Variants in PASD1 observed in about 807,000 individuals in gnomAD.
The protein encoded by PASD1 is circadian clock protein PASD1.
A neutral mutation model predicts 58.8 loss-of-function variants in PASD1; 13 were observed. The ratio of observed to expected loss-of-function variants is 0.22; its 90% CI spans 0.14 to 0.35. The LOEUF (loss-of-function observed/expected upper bound fraction) is 0.35. PASD1 is among the 10% of genes least tolerant of loss of function. PASD1 has a pLI of 1.00. For synonymous variants in PASD1, 236 were observed against 216.7 expected, an observed-to-expected ratio of 1.09 and a Z score of -0.78; for missense variants, 734 against 568.3, an observed-to-expected ratio of 1.29 and a Z score of -2.96.
chrX:151,607,393 G>C (rs183307347), intron 3 of PASD1, among the ~76,000 whole-genome samples: 93 of 111,790 alleles, frequency 8.3e-4, no homozygotes, highest in African/African-American at 2.6e-3. Context: ...ATCTGTTTTA[G>C]CTCATGCTCC....
In PASD1 at chrX:151,601,445, G is replaced by A. The variant is rs942194360; in HGVS notation, c.-27-82G>A. ...TGAGGGAAAAGTGTTACACAATTGAGAATTTTGATTAGTCTTATTGCTTTA... is the reference window on the plus strand; with the variant it reads ...TGAGGGAAAAGTGTTACACAATTGAAAATTTTGATTAGTCTTATTGCTTTA... On this transcript the variant is annotated intron_variant, in intron 1 of 15. Coordinates refer to ENST00000370357, the MANE Select transcript of PASD1 (RefSeq NM_173493.3). 5 of 719,656 alleles carry A rather than the reference G, an allele frequency of 6.9e-6. No individual in the cohort carries two copies. In the African/African-American group the frequency reaches 1.1e-4, roughly 15 times the overall value. The allele number at this position is 719,656 out of a possible 1,213,427, so 59.3% of individuals were successfully genotyped here.
At chrX:151,599,724 G>A (rs916518076) in intron 1 of PASD1, among the ~76,000 whole-genome samples, 3 of 107,843 alleles carry the variant, frequency 2.8e-5, no homozygotes, top group African/African-American at 1.0e-4. Context: ...GGGCAGAGAC[G>A]CTCCTCACCT....
At chrX:151,655,528 T>G (rs1273599411) in intron 9 of PASD1, among the ~76,000 whole-genome samples, 1 of 112,010 alleles carries the variant, frequency 8.9e-6, no homozygotes, top group African/African-American at 3.2e-5. Context: ...CTTTCCTGAC[T>G]TTTTAATGAT....
intron 8 of PASD1, among the ~76,000 whole-genome samples, chrX:151,648,067 A>G (rs1014092058): frequency 1.8e-5 from 2 of 111,278 alleles, no homozygotes; most frequent in East Asian, 2.8e-4. Context: ...ACTATTATCA[A>G]TATTAGAAAT....
rs1569407027 is a variant in PASD1, at chrX:151,620,657, A to C, written c.208-273A>C. ...TTGGGTGAAGGTGTAGATAAATGAAAGGTTGGAAGTAACTAGAGTCAAAAT... is the reference window on the plus strand; with the variant it reads ...TTGGGTGAAGGTGTAGATAAATGAACGGTTGGAAGTAACTAGAGTCAAAAT... On this transcript the variant is annotated intron_variant, in intron 4 of 15. Transcript: ENST00000370357. Among the ~76,000 whole-genome samples the C allele has an allele frequency of 3.6e-5, 4 of 110,792 alleles. No individual in the cohort carries two copies. In the East Asian group the frequency reaches 1.1e-3, roughly 31 times the overall value.
rs1160179126 is a variant in PASD1 at position 151,601,641 on chromosome X, C to T, written c.28+60C>T. 1.6e-5 allele frequency: 17 copies of T among 1,096,154 alleles called. No individual in the cohort carries two copies. The East Asian group carries it at 2.1e-4, about 14-fold the overall frequency. The allele number at this position is 1,096,154 out of a possible 1,213,427, so 90.3% of individuals were successfully genotyped here. A position where few individuals can be genotyped will look rare whatever the true frequency, so the allele number is the denominator to read the frequency against. ...AGCCCTCTCCCTCGTCCTGTGTTCC[C>T]GTTTCACATCTAGCAAAATGCTACT... On this transcript the variant is annotated intron_variant, in intron 2 of 15. Transcript: ENST00000370357.
At chrX:151,577,171 A>AAG (rs201200504) in intron 1 of PASD1, among the ~76,000 whole-genome samples, 2 of 110,479 alleles carry the variant, frequency 1.8e-5, no homozygotes, top group East Asian at 5.7e-4. Context: ...CTCGTCTTGA[A>AAG]AGAGAGAGAG....
intron 1 of PASD1, among the ~76,000 whole-genome samples, chrX:151,579,168 C>G (rs766393793): frequency 2.7e-5 from 3 of 112,041 alleles, no homozygotes; most frequent in Non-Finnish European, 5.6e-5. Flanking sequence ...CTGTTTAATA[C>G]ATAATTTTGA....
chrX:151,669,507 A>C (rs5924672), intron 11 of PASD1, among the ~76,000 whole-genome samples: 1 of 109,948 alleles, frequency 9.1e-6, no homozygotes, highest in East Asian at 2.8e-4. Context: ...GTTTAACTGT[A>C]TTTTGGTACC....
chrX:151,628,186 C>A (rs1393272999), intron 8 of PASD1, among the ~76,000 whole-genome samples: 1 of 111,160 alleles, frequency 9.0e-6, no homozygotes, highest in Non-Finnish European at 1.9e-5. Context: ...GTTTCTTTTG[C>A]TGTGCAGAAG....
rs2013415224 is a variant in PASD1 at position 151,601,487 on chromosome X, A to T, written c.-27-40A>T. The T allele has an allele frequency of 2.3e-5, 24 of 1,047,929 alleles. No individual in the cohort carries two copies. In the South Asian group the frequency reaches 4.6e-4, roughly 20 times the overall value. The allele number at this position is 1,047,929 out of a possible 1,213,427, so 86.4% of individuals were successfully genotyped here. ...ATTGCTTTACTGTGATTCACCATAG[A>T]CTGATCTCTTAGTAAAATGTTGCTT... is the stretch of plus-strand genomic sequence containing the variant. On this transcript the variant is annotated intron_variant, in intron 1 of 15. Transcript: ENST00000370357.
chrX:151,676,002 A>C lies in PASD1; in HGVS notation c.2181A>C (p.Gln727His). Reference sequence around the variant, plus strand: ...GTTTCACTTTTTCCTGGCAGGTGCAAGTTTCTGAGGTAGGAGTCGAGGGAC... The same window carrying C: ...GTTTCACTTTTTCCTGGCAGGTGCACGTTTCTGAGGTAGGAGTCGAGGGAC... ...LHGQPTYHQV[Q>H]VSEVGVEGPP... The change falls in exon 16 of 16, where the codon CAA (glutamine) becomes CAC (histidine). Residue 727 changes from glutamine to histidine, a missense_variant. Physicochemically the swap from Gln to His is conservative, Grantham distance 24. Transcript: ENST00000370357. 1.7e-6 allele frequency: 2 copies of C among 1,210,836 alleles called. No homozygotes were observed. Among genetic ancestry groups the C allele is most frequent in the Non-Finnish European group, 2.2e-6 (2 of 895,023 alleles).
chrX:151,650,779 G>A (rs2014119069), intron 9 of PASD1, among the ~76,000 whole-genome samples: 1 of 111,723 alleles, frequency 9.0e-6, no homozygotes, highest in African/African-American at 3.3e-5. Flanking sequence ...ATCAATGAGA[G>A]GAGCTTCACA....
rs779133479 is a variant in PASD1, at chrX:151,672,505, T to C, written c.1760T>C (p.Leu587Pro). ...GGGAATGAGAGGGTGCAGATATGCCTGCAAAACCCACGTGACGTATCTGTG... is the reference window on the plus strand; with the variant it reads ...GGGAATGAGAGGGTGCAGATATGCCCGCAAAACCCACGTGACGTATCTGTG... ...IVGNERVQIC[L>P]QNPRDVSVPL... Residue 587 changes from leucine (L) to proline (P), a missense_variant, in exon 14 of 16, where the codon CTG (leucine) becomes CCG (proline). Physicochemically the swap from Leu to Pro is moderately conservative, Grantham distance 98. Transcript: ENST00000370357. 2 of 1,211,800 alleles carry C rather than the reference T, an allele frequency of 1.7e-6. No homozygotes were observed. Among genetic ancestry groups the C allele is most frequent in the Non-Finnish European group, 1.1e-6 (1 of 895,571 alleles).
At chrX:151,648,393 T>C (rs780188253) in intron 8 of PASD1, among the ~76,000 whole-genome samples, 1 of 111,125 alleles carries the variant, frequency 9.0e-6, no homozygotes, top group African/African-American at 3.3e-5. Flanking sequence ...CATTGAGACC[T>C]GCAGCAAACT....
chrX:151,639,961 T>G (rs956166981), intron 8 of PASD1, among the ~76,000 whole-genome samples: 1 of 111,949 alleles, frequency 8.9e-6, no homozygotes, highest in African/African-American at 3.2e-5. Context: ...CATTAGAGTT[T>G]TAATAAATAG....
At chrX:151,585,218 A>G (rs973919258) in intron 1 of PASD1, among the ~76,000 whole-genome samples, 3 of 111,642 alleles carry the variant, frequency 2.7e-5, no homozygotes, top group African/African-American at 9.8e-5. Flanking sequence ...CTTATACCAG[A>G]CTCTCTGGAT....
chrX:151,628,687 C>T (rs1452334022), intron 8 of PASD1, among the ~76,000 whole-genome samples: 10 of 110,827 alleles, frequency 9.0e-5, no homozygotes, highest in East Asian at 2.8e-4. Context: ...CTTTTTTGGT[C>T]CCATATGAAC....
chrX:151,583,389 T>A (rs2013124005), intron 1 of PASD1, among the ~76,000 whole-genome samples: 1 of 111,957 alleles, frequency 8.9e-6, no homozygotes, highest in African/African-American at 3.2e-5. Context: ...TGGTTGCATA[T>A]GAGCCCCATT....
Sources: allele counts gnomAD v4.1 joint callset (sites outside exome capture counted in the v4.1 genomes callset), GRCh38; gene constraint gnomAD v4.1.1; transcripts MANE v1.5; gene names NCBI Gene and HGNC (gene_info 2026-07-23, HGNC 2026-07-21).